The following GALNT13 variants were observed in gnomAD, a reference collection of about 807,000 sequenced individuals.
The protein encoded by GALNT13 is UDP-GalNAc:polypeptide N-acetylgalactosaminyltransferase 13.
Under a neutral mutation model 64.2 loss-of-function variants are expected in GALNT13, and 28 were observed. That is an observed-to-expected ratio of 0.44 (90% CI 0.32 to 0.60). The LOEUF (loss-of-function observed/expected upper bound fraction) is 0.60, where lower values mean the gene tolerates loss of function less well. Among genes scored for constraint, GALNT13 ranks in the 20% least tolerant of loss-of-function variants. The probability of loss-of-function intolerance (pLI) is 0.05; values close to 1 mark genes in which losing one functional copy is unlikely to be tolerated. For synonymous variants in GALNT13, 214 were observed against 224.6 expected (o/e 0.95, Z 0.42); for missense variants, 577 against 669.8 (o/e 0.86, Z 1.53).
At chr2:153,610,322 G>C in the GALNT13 span, among the ~76,000 whole-genome samples, 1 of 152,044 alleles carries the variant, frequency 6.6e-6, no homozygotes, top group Non-Finnish European at 1.5e-5. Flanking sequence ...ATGCAAAAAA[G>C]GAACCTGAAG....
chr2:154,295,427 G>C (rs963810995), intron 8 of GALNT13, among the ~76,000 whole-genome samples: 1 of 150,020 alleles, frequency 6.7e-6, no homozygotes, highest in Admixed American at 6.7e-5. Flanking sequence ...GCAGTGGCGC[G>C]ACCTTGGCTC....
the GALNT13 span, among the ~76,000 whole-genome samples, chr2:153,227,147 A>G: frequency 6.6e-6 from 1 of 152,248 alleles, no homozygotes; most frequent in Non-Finnish European, 1.5e-5. Context: ...AAAGACATCA[A>G]CAGAATGAGA....
chr2:153,452,406 A>G, the GALNT13 span, among the ~76,000 whole-genome samples: 3 of 152,094 alleles, frequency 2.0e-5, no homozygotes, highest in Non-Finnish European at 4.4e-5. Flanking sequence ...GCTTGAACCC[A>G]TGAGGTGGTT....
intron 7 of GALNT13, among the ~76,000 whole-genome samples, chr2:154,251,116 C>T (rs2105887539): frequency 6.6e-6 from 1 of 152,152 alleles, no homozygotes; most frequent in East Asian, 1.9e-4. Flanking sequence ...ACTTTCTTAG[C>T]AGCCTGTTGG....
intron 4 of GALNT13, among the ~76,000 whole-genome samples, chr2:154,140,805 A>G (rs1482229274): frequency 6.6e-6 from 1 of 152,148 alleles, no homozygotes; most frequent in African/African-American, 2.4e-5. Flanking sequence ...TACCAGATTC[A>G]GAGCAAATAT....
chr2:154,446,507 T>C, intron 12 of GALNT13: 1 of 1,442,226 alleles, frequency 6.9e-7, no homozygotes, highest in Non-Finnish European at 9.2e-7. Flanking sequence ...CTAGGATGAT[T>C]GATTTATTAC....
intron 3 of GALNT13, among the ~76,000 whole-genome samples, chr2:154,122,065 C>T (rs2105519289): frequency 6.6e-6 from 1 of 152,068 alleles, no homozygotes; most frequent in Middle Eastern, 3.4e-3. Flanking sequence ...TGGTGAATTG[C>T]TGTTGGATTT....
In GALNT13 at chr2:154,384,394, T is replaced by TA. The variant is rs1698411590; in HGVS notation, c.1157-11593dup. 2.6e-5 allele frequency among the ~76,000 whole-genome samples: 4 copies of TA among 152,008 alleles called. No homozygotes were observed. In the South Asian group the frequency reaches 8.3e-4, roughly 31 times the overall value. On this transcript the variant is annotated intron_variant, in intron 9 of 12. Coordinates refer to ENST00000392825, the MANE Select transcript of GALNT13 (RefSeq NM_052917.4). ...ACTTTGTTTTACCCATTCTTTCCAT[T>TA]AAAATATAAGCAGATTGTAAATAAT...
chr2:154,353,283 A>T (rs974894409), intron 9 of GALNT13, among the ~76,000 whole-genome samples: 1 of 152,150 alleles, frequency 6.6e-6, no homozygotes, highest in South Asian at 2.1e-4. Context: ...TTACAACTTT[A>T]AAAAAATTAT....
At chr2:153,374,793 G>T in the GALNT13 span, among the ~76,000 whole-genome samples, 26 of 152,142 alleles carry the variant, frequency 1.7e-4, no homozygotes, top group African/African-American at 5.1e-4. Flanking sequence ...GCAGGATCAG[G>T]TTCTGCCAGG....
At chr2:154,011,007 A>T (rs766801798) in intron 3 of GALNT13, among the ~76,000 whole-genome samples, 10 of 151,934 alleles carry the variant, frequency 6.6e-5, no homozygotes, top group Non-Finnish European at 1.3e-4. Context: ...CTTTATTCAT[A>T]TAGCTAGTAG....
intron 3 of GALNT13, among the ~76,000 whole-genome samples, chr2:154,043,929 T>C (rs1699147125): frequency 6.6e-6 from 1 of 151,812 alleles, no homozygotes; most frequent in African/African-American, 2.4e-5. Flanking sequence ...TAGCTGGGTG[T>C]GGTGGTGGTG....
chr2:154,318,127 T>C (rs1039154967), intron 9 of GALNT13, among the ~76,000 whole-genome samples: 2 of 152,128 alleles, frequency 1.3e-5, no homozygotes, highest in Non-Finnish European at 2.9e-5. Context: ...TTTGAAATTT[T>C]TTTGGAAATG....
At chr2:154,180,483 A>G (rs982672222) in intron 4 of GALNT13, among the ~76,000 whole-genome samples, 1 of 151,858 alleles carries the variant, frequency 6.6e-6, no homozygotes, top group Non-Finnish European at 1.5e-5. Context: ...TCTTGCTGAA[A>G]GATGTACGTT....
chr2:154,047,428 T>C (rs772455265), intron 3 of GALNT13, among the ~76,000 whole-genome samples: 35 of 152,142 alleles, frequency 2.3e-4, no homozygotes, highest in Non-Finnish European at 3.4e-4. Flanking sequence ...GTGATGTAGT[T>C]AAGAGTATAT....
the GALNT13 span, among the ~76,000 whole-genome samples, chr2:153,320,065 G>A: frequency 3.2e-3 from 483 of 152,280 alleles, 16 homozygotes; most frequent in East Asian, 0.081. Context: ...TAACTGGGTT[G>A]CACTCTTCAT....
the GALNT13 span, among the ~76,000 whole-genome samples, chr2:153,296,660 A>G: frequency 6.6e-6 from 1 of 152,310 alleles, no homozygotes; most frequent in South Asian, 2.1e-4. Context: ...AAAGGGCCAG[A>G]TAGAAACTGT....
the GALNT13 span, among the ~76,000 whole-genome samples, chr2:153,483,485 C>T: frequency 7.2e-6 from 1 of 138,088 alleles, no homozygotes; most frequent in African/African-American, 2.7e-5. Context: ...GGCGCAATCT[C>T]AGCTCACCGC....
the GALNT13 span, among the ~76,000 whole-genome samples, chr2:153,719,841 A>G: frequency 6.6e-6 from 1 of 151,680 alleles, no homozygotes; most frequent in African/African-American, 2.4e-5. Flanking sequence ...TTGCTAGCAC[A>G]GCAGTCTGAG....
Sources: gnomAD v4.1 joint callset for allele counts (sites outside exome capture counted in the v4.1 genomes callset) on GRCh38, gnomAD v4.1.1 for gene constraint, MANE v1.5 for transcripts, NCBI Gene and HGNC (gene_info 2026-07-23, HGNC 2026-07-21) for gene names.